Variants in TNNI3K observed in about 807,000 individuals in gnomAD.
The protein encoded by TNNI3K is serine/threonine-protein kinase TNNI3K.
A neutral mutation model predicts 114.5 loss-of-function variants in TNNI3K; 140 were observed. The observed-to-expected ratio is 1.22, with a 90% CI of 1.07 to 1.41. TNNI3K has a LOEUF of 1.41. TNNI3K is among the 40% of genes most tolerant of loss of function. The pLI is 0.00. For synonymous variants in TNNI3K, 347 were observed against 347.5 expected, an observed-to-expected ratio of 1.00 and a Z score of 0.02; for missense variants, 1,125 against 1,007.6, an observed-to-expected ratio of 1.12 and a Z score of -1.58.
intron 5 of TNNI3K, among the ~76,000 whole-genome samples, chr1:74,318,337 G>T (rs1169160274): frequency 3.9e-5 from 6 of 152,148 alleles, no homozygotes; most frequent in Non-Finnish European, 5.9e-5. Context: ...TTCTGGAGGG[G>T]ATATCTGTAA....
At chr1:74,342,584 G>A (rs898083847) in intron 7 of TNNI3K, among the ~76,000 whole-genome samples, 4 of 152,160 alleles carry the variant, frequency 2.6e-5, no homozygotes, top group Admixed American at 2.6e-4. Flanking sequence ...CTGTTCCACT[G>A]TGTAAGATAG....
chr1:74,336,312 T>A (rs1203864160), intron 7 of TNNI3K, among the ~76,000 whole-genome samples, 163 bp downstream of exon 7: 1 of 152,186 alleles, frequency 6.6e-6, no homozygotes, highest in Non-Finnish European at 1.5e-5. Flanking sequence ...TTATCAGGCC[T>A]ACATGCGAAT....
intron 5 of TNNI3K, among the ~76,000 whole-genome samples, chr1:74,293,182 A>T (rs887882772): frequency 3.3e-5 from 5 of 151,712 alleles, no homozygotes; most frequent in Non-Finnish European, 7.4e-5. Context: ...ATTAGATATT[A>T]TTACTTACAT....
Position 74,451,736 on chromosome 1 carries a change from TTTCTTTC to T in TNNI3K, c.2012-11702_2012-11696del, listed in dbSNP as rs1466122779. Among the ~76,000 whole-genome samples the T allele has an allele frequency of 6.6e-3, 327 of 49,636 alleles. 2 individuals are homozygous for T. The highest frequency in any genetic ancestry group is 0.017 in the African/African-American group (258 of 15,236). The allele number at this position is 49,636 out of a possible 152,430, so 32.6% of individuals were successfully genotyped here. A position where few individuals can be genotyped will look rare whatever the true frequency, so the allele number is the denominator to read the frequency against. ...CTTTCTTTCTTTCTTTCTTTCTTTC[TTTCTTTC>T]TTTCTTTTCTTTTCTTTTCTTTTCT... On this transcript the variant is annotated intron_variant, in intron 20 of 24. Transcript: ENST00000326637.
At chr1:74,469,013 C>T (rs1667791956) in intron 21 of TNNI3K, 2 of 152,106 alleles carry the variant, frequency 1.3e-5, no homozygotes, top group Admixed American at 1.3e-4. Context: ...CTCCAAACAA[C>T]AGTGGCATGC....
chr1:74,305,685 C>T (rs1658589216), intron 5 of TNNI3K, among the ~76,000 whole-genome samples: 1 of 152,086 alleles, frequency 6.6e-6, no homozygotes, highest in South Asian at 2.1e-4. Flanking sequence ...TGGGGAATAC[C>T]TTCTTCAGCT....
At chr1:74,288,974 G>A (rs956141535) in intron 5 of TNNI3K, among the ~76,000 whole-genome samples, 14 of 152,126 alleles carry the variant, frequency 9.2e-5, no homozygotes, top group Admixed American at 2.0e-4. Flanking sequence ...AAAGTTATAT[G>A]TGGGGATATG....
chr1:74,386,613 T>C (rs753865687), intron 17 of TNNI3K, among the ~76,000 whole-genome samples: 14 of 152,260 alleles, frequency 9.2e-5, no homozygotes, highest in South Asian at 2.1e-4. Context: ...TCTTCAAAAT[T>C]AGAATTGTGG....
At chr1:74,287,689 A>G (rs1657417408) in intron 5 of TNNI3K, among the ~76,000 whole-genome samples, 1 of 152,162 alleles carries the variant, frequency 6.6e-6, no homozygotes. Context: ...TTTCTTGGCT[A>G]TGACCTCAAA....
At chr1:74,522,543 T>C (rs1156247237) in intron 23 of TNNI3K, among the ~76,000 whole-genome samples, 2 of 152,184 alleles carry the variant, frequency 1.3e-5, no homozygotes, top group African/African-American at 2.4e-5. Flanking sequence ...GAGGGTATTA[T>C]ACATTTAAAA....
At chr1:74,444,972 G>T (rs1306402531) in intron 20 of TNNI3K, among the ~76,000 whole-genome samples, 1 of 152,116 alleles carries the variant, frequency 6.6e-6, no homozygotes, top group Non-Finnish European at 1.5e-5. Flanking sequence ...GGGAGAACTG[G>T]CTAGCCATAT....
At chr1:74,521,434 A>C (rs1475945387) in intron 23 of TNNI3K, among the ~76,000 whole-genome samples, 1 of 152,160 alleles carries the variant, frequency 6.6e-6, no homozygotes, top group Non-Finnish European at 1.5e-5. Flanking sequence ...ATTTTATGAA[A>C]TATGTATTCT....
chr1:74,285,964 T>C (rs982301638), intron 5 of TNNI3K, among the ~76,000 whole-genome samples: 1 of 152,170 alleles, frequency 6.6e-6, no homozygotes, highest in Admixed American at 6.5e-5. Context: ...TTCCATTGCT[T>C]GTCATCTCAC....
At chr1:74,421,606 C>T (rs1042059060) in intron 17 of TNNI3K, among the ~76,000 whole-genome samples, 35 of 152,098 alleles carry the variant, frequency 2.3e-4, no homozygotes, top group Non-Finnish European at 4.7e-4. Flanking sequence ...GCTGTAAGAA[C>T]TTAAACCAGA....
At chr1:74,427,338 G>C (rs1401462964) in intron 17 of TNNI3K, among the ~76,000 whole-genome samples, 1 of 146,586 alleles carries the variant, frequency 6.8e-6, no homozygotes, top group Non-Finnish European at 1.5e-5. Flanking sequence ...CTTTATTTTA[G>C]TAATCAGACT....
intron 17 of TNNI3K, chr1:74,376,959 T>G (rs1468004136): frequency 6.6e-6 from 1 of 152,038 alleles, no homozygotes; most frequent in Non-Finnish European, 1.5e-5. Flanking sequence ...ATTGTTCTAG[T>G]GCAGTGGTTC....
chr1:74,294,827 T>C (rs1657884300), intron 5 of TNNI3K, among the ~76,000 whole-genome samples: 1 of 152,004 alleles, frequency 6.6e-6, no homozygotes, highest in South Asian at 2.1e-4. Flanking sequence ...TATTGTTTGT[T>C]TAAAAACCTT....
At chr1:74,350,965 C>T (rs1312556918) in intron 9 of TNNI3K, among the ~76,000 whole-genome samples, 2 of 151,990 alleles carry the variant, frequency 1.3e-5, no homozygotes, top group African/African-American at 4.8e-5. Flanking sequence ...AGCCCATTTA[C>T]ATTTAAGGTT....
intron 21 of TNNI3K, among the ~76,000 whole-genome samples, chr1:74,477,723 G>A (rs1668275834): frequency 6.6e-6 from 1 of 152,136 alleles, no homozygotes; most frequent in Admixed American, 6.5e-5. Context: ...GTCAGGTATG[G>A]TCACTTTCCA....
Sources: gnomAD v4.1 joint callset for allele counts (sites outside exome capture counted in the v4.1 genomes callset) on GRCh38, gnomAD v4.1.1 for gene constraint, MANE v1.5 for transcripts, NCBI Gene and HGNC (gene_info 2026-07-23, HGNC 2026-07-21) for gene names.